Variants in ADD2 observed in about 807,000 individuals in gnomAD.
ADD2 encodes beta-adducin.
A neutral mutation model predicts 83.0 loss-of-function variants in ADD2; 23 were observed. The observed-to-expected ratio is 0.28, with a 90% CI of 0.20 to 0.39. ADD2 has a LOEUF of 0.39. ADD2 is among the 10% of genes least tolerant of loss of function. The pLI, the probability that ADD2 is intolerant of heterozygous loss-of-function variation, is 1.00. For missense variants in ADD2, 758 were observed against 944.9 expected, an observed-to-expected ratio of 0.80 and a Z score of 2.59; for synonymous variants, 375 against 375.4, an observed-to-expected ratio of 1.00 and a Z score of 0.01.
rs536752185 is a variant in ADD2, at chr2:70,678,850, C to T, written c.1237G>A (p.Gly413Ser). ...TVTAFVFEEDGAPVPALRQHA... is the reference protein window; with the variant it reads ...TVTAFVFEEDSAPVPALRQHA... ...TGTCGCAGGGCGGGCACCGGGGCAC[C>T]GTCCTCCTCAAACACGAAGGCTGTG... The change falls in exon 11 of 16, where the codon GGT (glycine) becomes AGT (serine). Residue 413 changes from glycine to serine, a missense_variant. Gly to Ser is a moderately conservative substitution (Grantham distance 56, BLOSUM62 0). Coordinates refer to ENST00000264436, the MANE Select transcript of ADD2 (RefSeq NM_001617.4). 6.3e-5 allele frequency: 101 copies of T among 1,614,210 alleles called. No individual in the cohort carries two copies. The highest frequency in any genetic ancestry group is 5.9e-4 in the South Asian group (54 of 91,074).
intron 1 of ADD2, among the ~76,000 whole-genome samples, chr2:70,762,119 TA>T (rs1675142884): frequency 6.6e-6 from 1 of 151,792 alleles, no homozygotes; most frequent in South Asian, 2.1e-4. Flanking sequence ...TAATGTAAAA[TA>T]AAATTTTAGA....
intron 12 of ADD2, 81 bp downstream of exon 12, chr2:70,677,677 T>C: frequency 6.4e-7 from 1 of 1,559,012 alleles, no homozygotes; most frequent in East Asian, 2.3e-5. Context: ...AGGCACATCC[T>C]GGGAACTCAG....
chr2:70,710,675 TACCTGG>T (rs1672136352), intron 2 of ADD2, among the ~76,000 whole-genome samples: 1 of 152,268 alleles, frequency 6.6e-6, no homozygotes, highest in Non-Finnish European at 1.5e-5. Flanking sequence ...GGAACAAGAC[TACCTGG>T]GTTCAAATCT....
At chr2:70,672,083 A>G (rs547669348) in intron 15 of ADD2, among the ~76,000 whole-genome samples, 11 of 152,304 alleles carry the variant, frequency 7.2e-5, no homozygotes, top group Non-Finnish European at 1.0e-4. Context: ...TTACTCTTTC[A>G]AAGTATGTTT....
In ADD2 at chr2:70,671,529, G is replaced by T. The variant is rs942753023; in HGVS notation, c.1870+1349C>A. ...AAAATCCTCCCTCCCCCATTGCAAG[G>T]GTTGCAGTGAGTTAGTAAACAGCCT... On this transcript the variant is annotated intron_variant, in intron 15 of 15. Transcript: ENST00000264436. Among the ~76,000 whole-genome samples the T allele has an allele frequency of 2.6e-5, 4 of 152,246 alleles. No homozygotes were observed. In the South Asian group the frequency reaches 8.3e-4, roughly 32 times the overall value.
chr2:70,726,073 G>A (rs2016921), intron 1 of ADD2, among the ~76,000 whole-genome samples: 1 of 150,702 alleles, frequency 6.6e-6, no homozygotes, highest in Non-Finnish European at 1.5e-5. Context: ...TGTAGTCCCA[G>A]CTACTTGGGA....
At chr2:70,756,250 C>A (rs998826908) in intron 1 of ADD2, among the ~76,000 whole-genome samples, 35 of 152,094 alleles carry the variant, frequency 2.3e-4, no homozygotes, top group African/African-American at 8.2e-4. Flanking sequence ...CATGCAGACA[C>A]AGTTCTTTTT....
At chr2:70,692,213 A>G (rs2074821) in intron 7 of ADD2, among the ~76,000 whole-genome samples, 190 bp downstream of exon 7, 45,767 of 152,158 alleles carry the variant, frequency 0.3, 7,183 homozygotes, top group East Asian at 0.44. Flanking sequence ...CAGACATTCC[A>G]TGTCTTCACG....
At chr2:70,679,005 G>A in intron 10 of ADD2, 44 bp from the exon 11 acceptor site, 1 of 1,550,036 alleles carries the variant, frequency 6.5e-7, no homozygotes, top group Non-Finnish European at 8.7e-7. Context: ...TGAGAAAAAA[G>A]GCCTGTACCT....
chr2:70,704,263 T>TGGGGCCCCCCCCC, intron 4 of ADD2, 58 bp downstream of exon 4: 1 of 913,238 alleles, frequency 1.1e-6, no homozygotes, highest in Non-Finnish European at 1.7e-6. Flanking sequence ...CTCCCTCTCT[T>TGGGGCCCCCCCCC]CCCCACCCCA....
chr2:70,712,450 AATAAATAAAT>A (rs1223835739), intron 2 of ADD2, among the ~76,000 whole-genome samples: 13 of 125,732 alleles, frequency 1.0e-4, no homozygotes, highest in Admixed American at 2.3e-4. Context: ...TCTCAAAAAA[AATAAATAAAT>A]AAAAAAAAAA....
Position 70,676,566 on chromosome 2 carries a change from G to T in ADD2, c.1593+230C>A. The T allele has an allele frequency of 7.1e-7, 1 of 1,415,072 alleles. No homozygotes were observed. The highest frequency in any genetic ancestry group is 9.3e-7 in the Non-Finnish European group (1 of 1,079,572). The allele number at this position is 1,415,072 out of a possible 1,614,324, so 87.7% of individuals were successfully genotyped here. A position where few individuals can be genotyped will look rare whatever the true frequency, so the allele number is the denominator to read the frequency against. ...CCGCATCACTCCTGCAGGCAGGCTGGGCTGCTGTTCTCCAGCCCAGTGCCC... is the reference window on the plus strand; with the variant it reads ...CCGCATCACTCCTGCAGGCAGGCTGTGCTGCTGTTCTCCAGCCCAGTGCCC... On this transcript the variant is annotated intron_variant, in intron 13 of 15. Coordinates refer to ENST00000264436, the MANE Select transcript of ADD2 (RefSeq NM_001617.4). This position sits in a 1 kb window ranked among gnomAD's most constrained non-coding sequence, Gnocchi z 4.8.
At chr2:70,746,867 T>G (rs1198464173) in intron 1 of ADD2, among the ~76,000 whole-genome samples, 1 of 152,182 alleles carries the variant, frequency 6.6e-6, no homozygotes, top group Non-Finnish European at 1.5e-5. Context: ...GCCAAATGTT[T>G]TTGGATAGAT....
chr2:70,708,244 A>G (rs940335881), intron 2 of ADD2, among the ~76,000 whole-genome samples: 1 of 152,080 alleles, frequency 6.6e-6, no homozygotes, highest in African/African-American at 2.4e-5. Context: ...GGAAAGGCAA[A>G]CAGTTCGTTC....
At chr2:70,734,827 A>C (rs960060646) in intron 1 of ADD2, among the ~76,000 whole-genome samples, 5 of 152,146 alleles carry the variant, frequency 3.3e-5, no homozygotes, top group Admixed American at 1.3e-4. Flanking sequence ...CTTGCATTGC[A>C]CCTATTTGAG....
chr2:70,759,986 C>G (rs782456760), intron 1 of ADD2, among the ~76,000 whole-genome samples: 2 of 152,092 alleles, frequency 1.3e-5, no homozygotes, highest in Non-Finnish European at 2.9e-5. Flanking sequence ...GAGAGGACAC[C>G]ACTGCTTCTT....
intron 2 of ADD2, among the ~76,000 whole-genome samples, chr2:70,707,135 A>G (rs1553374688): frequency 6.6e-6 from 1 of 152,202 alleles, no homozygotes; most frequent in African/African-American, 2.4e-5. Flanking sequence ...TTACAACTTA[A>G]ACTTCGCTCT....
At chr2:70,683,524 T>C in intron 10 of ADD2, 67 bp downstream of exon 10, 2 of 1,511,680 alleles carry the variant, frequency 1.3e-6, no homozygotes, top group Non-Finnish European at 9.0e-7. Context: ...TGATGCCTTG[T>C]ACTTCCTGGT....
chr2:70,668,903 A>G (rs1481989165), intron 15 of ADD2, among the ~76,000 whole-genome samples: 3 of 152,216 alleles, frequency 2.0e-5, no homozygotes, highest in Non-Finnish European at 4.4e-5. Flanking sequence ...TTCTGAACAC[A>G]AGGTCAATCA....
Sources: allele counts gnomAD v4.1 joint callset (sites outside exome capture counted in the v4.1 genomes callset), GRCh38; gene constraint gnomAD v4.1.1; non-coding constraint Gnocchi (gnomAD v3.1); transcripts MANE v1.5; gene names NCBI Gene and HGNC (gene_info 2026-07-23, HGNC 2026-07-21).